IFT88: variants seen among roughly 807,000 people sequenced by gnomAD.
IFT88 encodes the protein intraflagellar transport protein 88 homolog.
In IFT88, 74 loss-of-function variants were observed where a neutral mutation model predicts 119.5. The ratio of observed to expected loss-of-function variants is 0.62; its 90% CI spans 0.51 to 0.75. The LOEUF is 0.75. IFT88 is among the 30% of genes least tolerant of loss of function. The pLI is 0.00. For missense variants in IFT88, 961 were observed against 977.7 expected, an observed-to-expected ratio of 0.98 and a Z score of 0.23; for synonymous variants, 279 against 316.7, an observed-to-expected ratio of 0.88 and a Z score of 1.26.
At chr13:20,625,039 C>T (rs535723913) in intron 14 of IFT88, among the ~76,000 whole-genome samples, 1 of 150,970 alleles carries the variant, frequency 6.6e-6, no homozygotes, top group South Asian at 2.1e-4. Flanking sequence ...AATGTCTTCC[C>T]AGTCCCACCA....
In IFT88 at chr13:20,656,868, AT is replaced by A. The variant is rs975405395; in HGVS notation, c.2068+447del. On this transcript the variant is annotated intron_variant, in intron 22 of 25. Coordinates refer to ENST00000351808, the MANE Select transcript of IFT88 (RefSeq NM_006531.5). ...AATCTTGCTGATACAATAGCAAATAATTTTTTTTTAGACAGAGTCTTGCTCT... is the reference window on the plus strand; with the variant it reads ...AATCTTGCTGATACAATAGCAAATAATTTTTTTTAGACAGAGTCTTGCTCT... 4.6e-5 allele frequency among the ~76,000 whole-genome samples: 7 copies of A among 151,508 alleles called. No individual in the cohort carries two copies. In the Admixed American group the frequency reaches 4.6e-4, roughly 10 times the overall value.
chr13:20,625,455 G>A (rs2497485), intron 14 of IFT88, among the ~76,000 whole-genome samples: 25,177 of 152,018 alleles, frequency 0.17, 2,426 homozygotes, highest in African/African-American at 0.25. Flanking sequence ...GGAAACTGTC[G>A]TCTGTTACAA....
chr13:20,570,478 C>G (rs2036112061), intron 1 of IFT88, among the ~76,000 whole-genome samples: 1 of 152,110 alleles, frequency 6.6e-6, no homozygotes, highest in African/African-American at 2.4e-5. Flanking sequence ...ATTCAAATGT[C>G]CATTAACTAA....
At chr13:20,591,480 G>C in intron 5 of IFT88, 138 bp from the exon 6 acceptor site, 1 of 536,574 alleles carries the variant, frequency 1.9e-6, no homozygotes, top group Non-Finnish European at 3.2e-6. Context: ...TGAGGAGGTA[G>C]AAGTAAGGAG....
intron 15 of IFT88, among the ~76,000 whole-genome samples, chr13:20,630,695 A>T (rs1417325257): frequency 6.6e-6 from 1 of 152,162 alleles, no homozygotes; most frequent in Non-Finnish European, 1.5e-5. Context: ...CACCATGCCC[A>T]GCCTTCCAAG....
intron 2 of IFT88, among the ~76,000 whole-genome samples, chr13:20,578,776 T>C (rs1193086548): frequency 6.6e-6 from 1 of 152,116 alleles, no homozygotes; most frequent in African/African-American, 2.4e-5. Flanking sequence ...CTTGAACTGC[T>C]GACCTCAGAA....
rs571225869 is a variant in IFT88, at chr13:20,601,803, A to C, written c.911A>C (p.Asn304Thr). 1 of 1,613,534 alleles carries C rather than the reference A, an allele frequency of 6.2e-7. No homozygotes were observed. The highest frequency in any genetic ancestry group is 1.3e-5 in the African/African-American group (1 of 74,934). ...GAGCACATAATGAGCATGGCACCAA[A>C]TCTGAAGGCAGGCTACAACCTAACT... ...SYEHIMSMAP[N>T]LKAGYNLTIC... The change falls in exon 12 of 26, where the codon AAT becomes ACT. Residue 304 changes from asparagine to threonine, a missense_variant. By Grantham distance (65) the Asn-to-Thr change is moderately conservative. Coordinates refer to ENST00000351808, the MANE Select transcript of IFT88 (RefSeq NM_006531.5).
At chr13:20,640,315 G>A (rs1197087737) in intron 17 of IFT88, among the ~76,000 whole-genome samples, 1 of 151,712 alleles carries the variant, frequency 6.6e-6, no homozygotes, top group African/African-American at 2.4e-5. Flanking sequence ...GCTCATGCCT[G>A]TAATCCCAGC....
chr13:20,574,803 A>G (rs2037054539), intron 2 of IFT88, among the ~76,000 whole-genome samples: 1 of 152,170 alleles, frequency 6.6e-6, no homozygotes, highest in Non-Finnish European at 1.5e-5. Flanking sequence ...TTAAAGTTGA[A>G]ATGTCTTGTT....
intron 2 of IFT88, among the ~76,000 whole-genome samples, chr13:20,581,531 AGAATCG>A (rs2038645387): frequency 6.6e-6 from 1 of 152,190 alleles, no homozygotes; most frequent in African/African-American, 2.4e-5. Context: ...TGGGTAACTG[AGAATCG>A]TGTAATTTTA....
At chr13:20,593,800 A>C (rs912664399) in intron 7 of IFT88, among the ~76,000 whole-genome samples, 1 of 152,180 alleles carries the variant, frequency 6.6e-6, no homozygotes, top group Non-Finnish European at 1.5e-5. Context: ...CTATAATCTC[A>C]GCCTTTTGGG....
chr13:20,591,264 A>G (rs2040619794), intron 5 of IFT88, among the ~76,000 whole-genome samples: 1 of 152,194 alleles, frequency 6.6e-6, no homozygotes. Context: ...CATAGAACTG[A>G]TAATTGCTTA....
rs530634070 is a variant in IFT88, at chr13:20,673,568, A to G, written c.2242+2529A>G. Among the ~76,000 whole-genome samples the G allele has an allele frequency of 2.0e-5, 3 of 152,296 alleles. No individual in the cohort carries two copies. The South Asian group carries it at 6.2e-4, about 32-fold the overall frequency. ...CCTTTCCCATAGCCCTCTTTCAGTC[A>G]TGCTGGCATTAGAGCACAGAGAGGG... On this transcript the variant is annotated intron_variant, in intron 24 of 25. Coordinates refer to ENST00000351808, the MANE Select transcript of IFT88 (RefSeq NM_006531.5).
intron 13 of IFT88, among the ~76,000 whole-genome samples, chr13:20,615,495 G>A (rs531360947): frequency 6.6e-6 from 1 of 152,128 alleles, no homozygotes; most frequent in African/African-American, 2.4e-5. Context: ...CGTAAGTTCC[G>A]CTGCAGGGCC....
At chr13:20,600,923 A>G (rs148816199) in intron 11 of IFT88, among the ~76,000 whole-genome samples, 22 of 152,354 alleles carry the variant, frequency 1.4e-4, no homozygotes, top group African/African-American at 5.0e-4. Context: ...ATGAAATGCT[A>G]TTTGACAAAA....
At chr13:20,690,680 T>C (rs770343965) in intron 24 of IFT88, 25 bp from the exon 25 acceptor site, 2 of 1,406,898 alleles carry the variant, frequency 1.4e-6, no homozygotes, top group Admixed American at 1.7e-5. Flanking sequence ...ATTAAACAAA[T>C]GCATTTTTAT....
At position 20,601,773 on chromosome 13, in the gene IFT88, C is replaced by T. The variant is rs770183666; in HGVS notation, c.881C>T (p.Ser294Leu). Residue 294 changes from serine (S) to leucine (L), a missense_variant, in exon 12 of 26, where the codon TCA becomes TTA. Transcript: ENST00000351808. ...GGTCAGTATTCAGATGCTATTAATT[C>T]ATATGAGCACATAATGAGCATGGCA... ...QAGQYSDAIN[S>L]YEHIMSMAPN... The T allele has an allele frequency of 2.5e-6, 4 of 1,613,042 alleles. No homozygotes were observed. In the East Asian group the frequency reaches 8.9e-5, roughly 36 times the overall value.
chr13:20,651,173 G>C (rs2051600270), intron 20 of IFT88, among the ~76,000 whole-genome samples: 1 of 151,858 alleles, frequency 6.6e-6, no homozygotes, highest in African/African-American at 2.4e-5. Context: ...GATTCCACAT[G>C]AATATTAGGG....
chr13:20,615,320 A>G (rs1038792061), intron 13 of IFT88, among the ~76,000 whole-genome samples: 3 of 152,184 alleles, frequency 2.0e-5, no homozygotes, highest in Admixed American at 6.5e-5. Context: ...ACGATAACAC[A>G]TTTTATATAT....
Sources: allele counts gnomAD v4.1 joint callset (sites outside exome capture counted in the v4.1 genomes callset), GRCh38; gene constraint gnomAD v4.1.1; transcripts MANE v1.5; gene names NCBI Gene and HGNC (gene_info 2026-07-23, HGNC 2026-07-21).